The following KAZN variants were observed in gnomAD, a reference collection of about 807,000 sequenced individuals.
The protein encoded by KAZN is kazrin, periplakin interacting protein.
Under a neutral mutation model 87.4 loss-of-function variants are expected in KAZN, and 40 were observed. The ratio of observed to expected loss-of-function variants is 0.46; its 90% CI spans 0.36 to 0.60. The LOEUF is 0.60. Ranked by LOEUF, KAZN falls within the 20% of genes least tolerant of loss-of-function variation. KAZN has a pLI of 0.00. For missense variants in KAZN, 898 were observed against 1,073.9 expected, an observed-to-expected ratio of 0.84 and a Z score of 2.29; for synonymous variants, 466 against 458.3, an observed-to-expected ratio of 1.02 and a Z score of -0.22.
Position 14,731,465 on chromosome 1 carries a change from T to A in KAZN, c.226+132242T>A, listed in dbSNP as rs116998194. ...TTGCTCCAGGGCCCACCCTTGGAAC[T>A]TTTTTGGTTCCCCTCCTCTCTTTTT... is the stretch of plus-strand genomic sequence containing the variant. On this transcript the variant is annotated intron_variant, in intron 1 of 14. Transcript: ENST00000376030. Among the ~76,000 whole-genome samples the A allele has an allele frequency of 9.9e-3, 1,513 of 152,304 alleles. 25 individuals are homozygous for A. Among genetic ancestry groups the A allele is most frequent in the South Asian group, 0.055 (264 of 4,820 alleles).
rs111376760 is a variant in KAZN, at chr1:14,328,941, C to G, written c.249+148349C>G. Among the ~76,000 whole-genome samples, 50 of 152,022 alleles carry G rather than the reference C, an allele frequency of 3.3e-4. No individual in the cohort carries two copies. The East Asian group carries it at 5.4e-3, about 17-fold the overall frequency. On this transcript the variant is annotated intron_variant, in intron 2 of 16. Transcript: ENST00000636203. Reference sequence around the variant, plus strand: ...AATGACTCAGAGGGAAATAGGTGTTCAGGATGTAAAAGGACATAGAACTCA... The same window carrying G: ...AATGACTCAGAGGGAAATAGGTGTTGAGGATGTAAAAGGACATAGAACTCA...
intron 1 of KAZN, among the ~76,000 whole-genome samples, chr1:14,910,061 T>TAAATAAATAATGAATG (rs71000348): frequency 3.4e-5 from 5 of 147,362 alleles, no homozygotes; most frequent in South Asian, 2.2e-4. Flanking sequence ...AATAAATAAA[T>TAAATAAATAATGAATG]AATGAATGAA....
intron 1 of KAZN, among the ~76,000 whole-genome samples, chr1:14,050,432 TG>T (rs1180808989): frequency 6.6e-6 from 1 of 152,180 alleles, no homozygotes; most frequent in African/African-American, 2.4e-5. Flanking sequence ...TCCGCATGGC[TG>T]GGGTGGCTTC....
intron 1 of KAZN, among the ~76,000 whole-genome samples, chr1:14,056,986 G>A (rs1642588554): frequency 6.7e-6 from 1 of 149,420 alleles, no homozygotes; most frequent in African/African-American, 2.5e-5. Context: ...AGAGGTTGCA[G>A]TGAGCTGTGA....
At chr1:14,711,944 A>T (rs1642510961) in intron 1 of KAZN, among the ~76,000 whole-genome samples, 1 of 152,204 alleles carries the variant, frequency 6.6e-6, no homozygotes, top group African/African-American at 2.4e-5. Context: ...CGCAGTAGAT[A>T]ACTAATACAG....
chr1:14,287,000 G>T (rs996743321), intron 2 of KAZN, among the ~76,000 whole-genome samples: 2 of 152,080 alleles, frequency 1.3e-5, no homozygotes, highest in Non-Finnish European at 2.9e-5. Flanking sequence ...AATTTGATGA[G>T]AGCAGTTGGA....
chr1:13,978,572 A>G (rs1638494590), intron 1 of KAZN, among the ~76,000 whole-genome samples: 1 of 151,816 alleles, frequency 6.6e-6, no homozygotes, highest in Admixed American at 6.6e-5. Flanking sequence ...AGAGAGGTTT[A>G]AAAGTAGATT....
chr1:13,923,042 T>C (rs1640123275), intron 1 of KAZN, among the ~76,000 whole-genome samples: 1 of 151,648 alleles, frequency 6.6e-6, no homozygotes, highest in South Asian at 2.1e-4. Flanking sequence ...GAACATAGAG[T>C]TGACCTGGAG....
At chr1:14,199,980 A>C (rs939316803) in intron 2 of KAZN, among the ~76,000 whole-genome samples, 1 of 152,018 alleles carries the variant, frequency 6.6e-6, no homozygotes, top group African/African-American at 2.4e-5. Context: ...AAGCCACAGC[A>C]TTGACGTTAT....
chr1:14,458,786 TG>T, intron 2 of KAZN, among the ~76,000 whole-genome samples: 1 of 152,322 alleles, frequency 6.6e-6, no homozygotes, highest in Middle Eastern at 3.4e-3. Flanking sequence ...GTGCCCATGA[TG>T]GGATATTTTA....
chr1:14,300,295 A>T (rs762396105), intron 2 of KAZN, among the ~76,000 whole-genome samples: 7 of 151,880 alleles, frequency 4.6e-5, no homozygotes, highest in Non-Finnish European at 1.0e-4. Flanking sequence ...AGTCTTACAT[A>T]ATTACGGCTC....
At chr1:14,154,357 C>A (rs974030930) in intron 1 of KAZN, among the ~76,000 whole-genome samples, 3 of 152,156 alleles carry the variant, frequency 2.0e-5, no homozygotes, top group Non-Finnish European at 4.4e-5. Flanking sequence ...TATCCTGCAG[C>A]TTTACTGAAT....
chr1:15,048,379 T>C (rs187703335), intron 4 of KAZN, among the ~76,000 whole-genome samples: 1 of 152,130 alleles, frequency 6.6e-6, no homozygotes, highest in East Asian at 1.9e-4. Flanking sequence ...ACACAGCAAC[T>C]TCTCTGTAAC....
intron 2 of KAZN, among the ~76,000 whole-genome samples, chr1:14,389,477 A>AG (rs1557683658): frequency 1.5e-5 from 2 of 131,348 alleles, no homozygotes; most frequent in Admixed American, 1.5e-4. Context: ...ATGAATGGAT[A>AG]AAAAAAAATG....
intron 2 of KAZN, among the ~76,000 whole-genome samples, chr1:15,024,628 C>T (rs1373352289): frequency 2.0e-5 from 3 of 152,210 alleles, no homozygotes; most frequent in African/African-American, 7.2e-5. Context: ...AGGGAAGGCA[C>T]AGCAGCAGCC....
At chr1:14,525,311 C>A (rs1197350490) in intron 2 of KAZN, among the ~76,000 whole-genome samples, 1 of 151,934 alleles carries the variant, frequency 6.6e-6, no homozygotes, top group Non-Finnish European at 1.5e-5. Flanking sequence ...GCATTAATTT[C>A]TTTTTTATCA....
chr1:14,229,877 G>C (rs1259217173), intron 2 of KAZN, among the ~76,000 whole-genome samples: 1 of 152,244 alleles, frequency 6.6e-6, no homozygotes, highest in African/African-American at 2.4e-5. Context: ...TGGCTCATTT[G>C]GTCCAGCAAC....
chr1:14,802,008 C>A (rs926150360), intron 1 of KAZN, among the ~76,000 whole-genome samples: 5 of 152,086 alleles, frequency 3.3e-5, no homozygotes, highest in Non-Finnish European at 7.4e-5. Flanking sequence ...TTTCTCTGCG[C>A]TGAAGAGAGC....
chr1:13,978,045 G>A (rs998062093), intron 1 of KAZN, among the ~76,000 whole-genome samples: 15 of 148,332 alleles, frequency 1.0e-4, no homozygotes, highest in African/African-American at 1.7e-4. Context: ...GCAGAATGGC[G>A]TGAACCTGGG....
Sources: gnomAD v4.1 joint callset for allele counts (sites outside exome capture counted in the v4.1 genomes callset) on GRCh38, gnomAD v4.1.1 for gene constraint, MANE v1.5 for transcripts, NCBI Gene and HGNC (gene_info 2026-07-23, HGNC 2026-07-21) for gene names.